Variants in CARF observed in about 807,000 individuals in gnomAD.
CARF encodes the protein calcium-responsive transcription factor.
CARF carries 57 observed loss-of-function variants against 82.0 expected under a neutral mutation model. That is an observed-to-expected ratio of 0.70 (90% CI 0.56 to 0.87). CARF has a LOEUF of 0.87. CARF is among the 40% of genes least tolerant of loss of function. CARF has a pLI of 0.00. For missense variants in CARF, 771 were observed against 855.8 expected, an observed-to-expected ratio of 0.90 and a Z score of 1.24; for synonymous variants, 268 against 290.1, an observed-to-expected ratio of 0.92 and a Z score of 0.77.
At chr2:202,954,886 C>T (rs1436859480) in intron 7 of CARF, among the ~76,000 whole-genome samples, 2 of 151,118 alleles carry the variant, frequency 1.3e-5, no homozygotes, top group Non-Finnish European at 2.9e-5. Flanking sequence ...TGGTGGCCGG[C>T]GCCTGTAGTC....
chr2:202,918,887 T>G (rs1038330103), intron 2 of CARF, among the ~76,000 whole-genome samples: 1 of 152,244 alleles, frequency 6.6e-6, no homozygotes, highest in African/African-American at 2.4e-5. Context: ...CCACAAAAAG[T>G]CTTTAACCCA....
intron 2 of CARF, among the ~76,000 whole-genome samples, chr2:202,921,445 A>C (rs1690771421): frequency 2.0e-5 from 3 of 152,186 alleles, no homozygotes; most frequent in Non-Finnish European, 4.4e-5. Flanking sequence ...CATTTTCCAT[A>C]ATTGCGTTAG....
At chr2:202,966,146 C>A (rs1402492338) in intron 9 of CARF, among the ~76,000 whole-genome samples, 1 of 152,092 alleles carries the variant, frequency 6.6e-6, no homozygotes, top group Non-Finnish European at 1.5e-5. Flanking sequence ...AGTCTTTTTG[C>A]AGCCTAATAT....
At chr2:202,915,018 T>C (rs1266764490) in intron 1 of CARF, among the ~76,000 whole-genome samples, 5 of 151,874 alleles carry the variant, frequency 3.3e-5, no homozygotes, top group Admixed American at 2.0e-4. Flanking sequence ...TGTTGTTTTG[T>C]TTTTGGTTTT....
intron 1 of CARF, among the ~76,000 whole-genome samples, chr2:202,914,122 G>C (rs780144851): frequency 9.2e-5 from 14 of 152,010 alleles, no homozygotes; most frequent in Non-Finnish European, 1.8e-4. Flanking sequence ...TTTACTTTGA[G>C]TCTTTTTCTT....
rs2060294091 is a variant in CARF, at chr2:202,982,260, T to C, written c.1878T>C (p.Asn626=). 6.2e-7 allele frequency: 1 copy of C among 1,614,124 alleles called. No homozygotes were observed. The highest frequency in any genetic ancestry group is 8.5e-7 in the Non-Finnish European group (1 of 1,180,004). Residue 626 remains asparagine (N), a synonymous_variant, in exon 16 of 17, where the codon AAT becomes AAC. Transcript: ENST00000438828. The part of the protein sequence containing the change: ...LQRDTCLTQN[N]STASTMGNLP... ...GAGATACATGCTTAACCCAAAACAA[T>C]AGTACTGCCTCCACCATGGGTAACC...
intron 2 of CARF, among the ~76,000 whole-genome samples, chr2:202,918,540 C>CAAAACAAAA (rs1204550023): frequency 4.0e-5 from 6 of 150,706 alleles, no homozygotes; most frequent in Admixed American, 4.0e-4. Flanking sequence ...CAAAACAAAA[C>CAAAACAAAA]AAAACAAAAA....
In CARF at chr2:202,970,050, G is replaced by T; in HGVS notation, c.1085G>T (p.Gly362Val). Residue 362 changes from glycine to valine, a missense_variant, in exon 11 of 17, where the codon GGT becomes GTT. Coordinates refer to ENST00000438828, the MANE Select transcript of CARF (RefSeq NM_024744.17). ...CTAAAGAAGAACTTGGTAGATGCTG[G>T]TGGTGTTCTTAGGTATGACATTTTT... ...NMLKKNLVDA[G>V]GVLRWYVQLP... is the part of the protein sequence containing the mutation. 3 of 1,568,624 alleles carry T rather than the reference G, an allele frequency of 1.9e-6. No homozygotes were observed. Among genetic ancestry groups the T allele is most frequent in the Non-Finnish European group, 2.6e-6 (3 of 1,166,856 alleles).
intron 9 of CARF, 64 bp downstream of exon 9, chr2:202,961,490 A>G: frequency 1.4e-6 from 2 of 1,441,564 alleles, no homozygotes; most frequent in Non-Finnish European, 1.9e-6. Flanking sequence ...TCAAAATGTG[A>G]TTTTCCTAAG....
At chr2:202,964,820 T>C (rs1437747778) in intron 9 of CARF, among the ~76,000 whole-genome samples, 1 of 150,426 alleles carries the variant, frequency 6.6e-6, no homozygotes, top group Non-Finnish European at 1.5e-5. Flanking sequence ...AAGTATATGG[T>C]GTATACTAAA....
Position 202,952,628 on chromosome 2 carries a change from G to T in CARF, c.376G>T (p.Ala126Ser). ...RVIPPTQTGM[A>S]QVIIPQGQLV... ...AATTCCACCTACCCAGACAGGAATG[G>T]CACAAGTGATTATACCTCAGGGGCA... Residue 126 changes from alanine to serine, a missense_variant, in exon 6 of 17, where the codon GCA becomes TCA. Transcript: ENST00000438828. The T allele has an allele frequency of 6.2e-7, 1 of 1,613,814 alleles. No individual in the cohort carries two copies. The highest frequency in any genetic ancestry group is 1.1e-5 in the South Asian group (1 of 91,060).
At chr2:202,981,811 G>A in intron 15 of CARF, 126 bp downstream of exon 15, 1 of 1,025,940 alleles carries the variant, frequency 9.7e-7, no homozygotes, top group Non-Finnish European at 1.4e-6. Flanking sequence ...TGTTTTCATT[G>A]TTAATTTCCT....
intron 2 of CARF, among the ~76,000 whole-genome samples, chr2:202,918,724 A>G (rs1401044698): frequency 6.6e-6 from 1 of 152,182 alleles, no homozygotes; most frequent in East Asian, 1.9e-4. Context: ...AGGAAGAGGT[A>G]ATACTTTTCA....
chr2:202,966,073 A>C (rs10755020), intron 9 of CARF, among the ~76,000 whole-genome samples: 138,519 of 152,204 alleles, frequency 0.91, 63,323 homozygotes, highest in Non-Finnish European at 0.95. Context: ...CACTTGGCAG[A>C]TGATTACCTC....
intron 5 of CARF, among the ~76,000 whole-genome samples, chr2:202,944,238 T>C (rs1456887626): frequency 1.3e-5 from 2 of 152,180 alleles, no homozygotes; most frequent in Non-Finnish European, 2.9e-5. Context: ...TTGACTGACA[T>C]ATGGAAAATT....
Position 202,986,062 on chromosome 2 carries a change from C to G in CARF, c.*2438C>G, listed in dbSNP as rs1056463742. ...AACAAAACCCCACAAAAACCAAGAG[C>G]ATGAAGAAAAGTTTAAATCCCTAAT... On this transcript the variant is annotated 3_prime_UTR_variant, in exon 17 of 17. Coordinates refer to ENST00000438828, the MANE Select transcript of CARF (RefSeq NM_024744.17). The G allele has an allele frequency of 6.6e-6, 1 of 152,018 alleles. No homozygotes were observed. The highest frequency in any genetic ancestry group is 1.5e-5 in the Non-Finnish European group (1 of 67,936). 9.4% of individuals were successfully genotyped at this position (152,018 alleles called of 1,614,324 possible).
At chr2:202,922,943 A>G (rs1304561201) in intron 2 of CARF, among the ~76,000 whole-genome samples, 1 of 152,004 alleles carries the variant, frequency 6.6e-6, no homozygotes, top group Non-Finnish European at 1.5e-5. Flanking sequence ...GAACTGATCA[A>G]AGAATTCAGC....
At chr2:202,957,635 T>G (rs2059113994) in intron 8 of CARF, among the ~76,000 whole-genome samples, 1 of 152,190 alleles carries the variant, frequency 6.6e-6, no homozygotes, top group African/African-American at 2.4e-5. Flanking sequence ...TTTAAATTCT[T>G]TAGTATTAAT....
chr2:202,920,477 C>G (rs1690595226), intron 2 of CARF, among the ~76,000 whole-genome samples: 1 of 152,086 alleles, frequency 6.6e-6, no homozygotes, highest in Middle Eastern at 3.2e-3. Flanking sequence ...CTTAATTGAT[C>G]TATCATAATA....
Sources: gnomAD v4.1 joint callset for allele counts (sites outside exome capture counted in the v4.1 genomes callset) on GRCh38, gnomAD v4.1.1 for gene constraint, MANE v1.5 for transcripts, NCBI Gene and HGNC (gene_info 2026-07-23, HGNC 2026-07-21) for gene names.